The following TAF1A variants were observed in gnomAD, a reference collection of about 807,000 sequenced individuals.
The protein encoded by TAF1A is TATA-box binding protein associated factor, RNA polymerase I subunit A.
Under a neutral mutation model 61.6 loss-of-function variants are expected in TAF1A, and 42 were observed. The ratio of observed to expected loss-of-function variants is 0.68; its 90% CI spans 0.53 to 0.88. TAF1A has a LOEUF of 0.88. TAF1A is among the 40% of genes least tolerant of loss of function. The pLI, the probability that TAF1A is intolerant of heterozygous loss-of-function variation, is 0.00. For missense variants in TAF1A, 424 were observed against 518.7 expected, an observed-to-expected ratio of 0.82 and a Z score of 1.77; for synonymous variants, 179 against 177.7, an observed-to-expected ratio of 1.01 and a Z score of -0.06.
intron 2 of TAF1A, among the ~76,000 whole-genome samples, chr1:222,587,219 G>A (rs879318817): frequency 2.6e-5 from 4 of 152,174 alleles, no homozygotes; most frequent in Non-Finnish European, 5.9e-5. Flanking sequence ...CACTCATTAT[G>A]CATGAGATAC....
intron 4 of TAF1A, among the ~76,000 whole-genome samples, chr1:222,579,199 C>G (rs1660690642): frequency 1.3e-5 from 2 of 152,296 alleles, no homozygotes; most frequent in South Asian, 4.1e-4. Flanking sequence ...CAAATAGACA[C>G]TCAAAACATT....
At chr1:222,579,934 G>A in intron 3 of TAF1A, 62 bp from the exon 4 acceptor site, 2 of 1,556,380 alleles carry the variant, frequency 1.3e-6, no homozygotes, top group Non-Finnish European at 1.7e-6. Flanking sequence ...TTCTGTCTAA[G>A]ATATTGTTTT....
intron 2 of TAF1A, among the ~76,000 whole-genome samples, chr1:222,586,238 C>G (rs1276159224): frequency 6.6e-6 from 1 of 152,188 alleles, no homozygotes; most frequent in South Asian, 2.1e-4. Context: ...TACACCAAAG[C>G]TGCTCGGCAT....
At chr1:222,580,448 C>T (rs1571823741) in intron 3 of TAF1A, among the ~76,000 whole-genome samples, 1 of 152,276 alleles carries the variant, frequency 6.6e-6, no homozygotes, top group Admixed American at 6.5e-5. Flanking sequence ...GCTCTTTTTT[C>T]ATGAGAGCAA....
intron 7 of TAF1A, among the ~76,000 whole-genome samples, chr1:222,565,910 T>C (rs1660098520): frequency 6.6e-6 from 1 of 152,188 alleles, no homozygotes; most frequent in Admixed American, 6.5e-5. Flanking sequence ...ACAAAGCCTG[T>C]TGAAAAATTT....
chr1:222,575,476 C>G (rs559366619), intron 5 of TAF1A, among the ~76,000 whole-genome samples: 1 of 152,244 alleles, frequency 6.6e-6, no homozygotes, highest in Non-Finnish European at 1.5e-5. Context: ...CCACTGCACT[C>G]CAGCCTGACA....
intron 4 of TAF1A, among the ~76,000 whole-genome samples, chr1:222,578,682 A>G (rs760701117): frequency 2.0e-5 from 3 of 152,118 alleles, no homozygotes; most frequent in Non-Finnish European, 4.4e-5. Context: ...AACCCTCTCT[A>G]GTTCCAGAGA....
downstream of TAF1A, among the ~76,000 whole-genome samples, chr1:222,556,855 A>C (rs887549722): frequency 5.9e-5 from 9 of 152,212 alleles, no homozygotes; most frequent in African/African-American, 2.4e-5. Context: ...CTATGCTTTC[A>C]GATTTTTTCC....
chr1:222,570,918 C>T (rs1660326058), intron 5 of TAF1A, among the ~76,000 whole-genome samples: 2 of 152,074 alleles, frequency 1.3e-5, no homozygotes, highest in African/African-American at 4.8e-5. Flanking sequence ...AATAAAACTA[C>T]AGATCAGTAT....
chr1:222,568,484 T>C (rs1335377834), intron 7 of TAF1A, among the ~76,000 whole-genome samples: 2 of 52,470 alleles, frequency 3.8e-5, no homozygotes, highest in Admixed American at 1.3e-4. Context: ...CAAAAGAAGA[T>C]ACAGGATGGC....
Position 222,584,195 on chromosome 1 carries a change from T to C in TAF1A, c.224A>G (p.Glu75Gly), listed in dbSNP as rs1172382478. ...GGTCTGAAAATAACTGTACATGTAT[T>C]CTGCAGCTTGCTGCCATTGGTGCTT... is the stretch of plus-strand genomic sequence containing the variant. ...LLKHQWQQAA[E>G]YMYSYFQTLE... The change falls in exon 3 of 11, where the codon GAA (glutamate) becomes GGA (glycine). Residue 75 changes from glutamate to glycine, a missense_variant. Glu to Gly is a moderately conservative substitution (Grantham distance 98, BLOSUM62 -2). Coordinates refer to ENST00000352967, the MANE Select transcript of TAF1A (RefSeq NM_005681.4). 1 of 1,613,348 alleles carries C rather than the reference T, an allele frequency of 6.2e-7. No individual in the cohort carries two copies. The highest frequency in any genetic ancestry group is 1.7e-5 in the Admixed American group (1 of 59,934).
At chr1:222,557,136 G>A (rs1214947056), downstream of TAF1A, among the ~76,000 whole-genome samples, 1 of 152,190 alleles carries the variant, frequency 6.6e-6, no homozygotes, top group Non-Finnish European at 1.5e-5. Context: ...ATAAGCCAAA[G>A]GGAAATGTGT....
chr1:222,579,159 G>C (rs1407206658), intron 4 of TAF1A, among the ~76,000 whole-genome samples: 1 of 152,166 alleles, frequency 6.6e-6, no homozygotes, highest in African/African-American at 2.4e-5. Flanking sequence ...TGGTCTACCA[G>C]AGAACAAAAT....
At chr1:222,587,291 G>GT (rs1661054216) in intron 2 of TAF1A, among the ~76,000 whole-genome samples, 1 of 152,314 alleles carries the variant, frequency 6.6e-6, no homozygotes, top group South Asian at 2.1e-4. Flanking sequence ...CGTTAAAAGT[G>GT]TAAGCTTTGA....
chr1:222,565,765 G>A (rs1274101772), intron 7 of TAF1A, among the ~76,000 whole-genome samples: 1 of 152,154 alleles, frequency 6.6e-6, no homozygotes, highest in Non-Finnish European at 1.5e-5. Flanking sequence ...GGGAGGCTGA[G>A]GTGGCAGGAT....
intron 7 of TAF1A, among the ~76,000 whole-genome samples, chr1:222,565,952 A>C (rs1402070644): frequency 6.6e-6 from 1 of 152,260 alleles, no homozygotes; most frequent in Non-Finnish European, 1.5e-5. Context: ...TGAAGGTTTG[A>C]TAATGCCAAT....
chr1:222,566,646 G>A (rs113495791), intron 7 of TAF1A, among the ~76,000 whole-genome samples: 11,691 of 152,042 alleles, frequency 0.077, 1,102 homozygotes, highest in East Asian at 0.31. Context: ...AGAATCTAAT[G>A]CCACCGCTGA....
At chr1:222,555,959 G>C (rs2102630281), downstream of TAF1A, among the ~76,000 whole-genome samples, 1 of 152,278 alleles carries the variant, frequency 6.6e-6, no homozygotes, top group East Asian at 1.9e-4. Flanking sequence ...AGTCCTGTCA[G>C]ACTGTTCCAG....
intron 3 of TAF1A, among the ~76,000 whole-genome samples, chr1:222,583,259 G>C (rs1660864736): frequency 6.6e-6 from 1 of 152,124 alleles, no homozygotes; most frequent in Admixed American, 6.6e-5. Context: ...AGGAGGAATG[G>C]GGAAGGACTG....
Sources: gnomAD v4.1 joint callset for allele counts (sites outside exome capture counted in the v4.1 genomes callset) on GRCh38, gnomAD v4.1.1 for gene constraint, MANE v1.5 for transcripts, NCBI Gene and HGNC (gene_info 2026-07-23, HGNC 2026-07-21) for gene names.